Variants in C1orf87 observed in about 807,000 individuals in gnomAD.
C1orf87 encodes the protein chromosome 1 open reading frame 87.
C1orf87 carries 58 observed loss-of-function variants against 60.5 expected under a neutral mutation model. That is an observed-to-expected ratio of 0.96 (90% CI 0.78 to 1.19). The LOEUF (loss-of-function observed/expected upper bound fraction) is 1.19, where lower values mean the gene tolerates loss of function less well. C1orf87 is among the 50% of genes most tolerant of loss of function. The probability of loss-of-function intolerance (pLI) is 0.00; values close to 1 mark genes in which losing one functional copy is unlikely to be tolerated. For missense variants in C1orf87, 673 were observed against 638.6 expected (o/e 1.05, Z -0.58); for synonymous variants, 236 against 227.4 (o/e 1.04, Z -0.34).
At chr1:60,043,289 A>C (rs1292599369) in intron 3 of C1orf87, among the ~76,000 whole-genome samples, 1 of 152,214 alleles carries the variant, frequency 6.6e-6, no homozygotes, top group East Asian at 1.9e-4. Context: ...AGACTTGTCC[A>C]AAACACTCCC....
intron 2 of C1orf87, among the ~76,000 whole-genome samples, chr1:60,055,763 T>G (rs1302000888): frequency 6.6e-6 from 1 of 152,140 alleles, no homozygotes; most frequent in Non-Finnish European, 1.5e-5. Context: ...TACTTGTAAA[T>G]GTAACAGGTA....
Position 59,990,639 on chromosome 1 carries a change from G to T in C1orf87, c.*34C>A, listed in dbSNP as rs1644914150. ...TGTGTCTGGGTAAAAAGGGAGATAA[G>T]GGAAACATCTGTTCTCACAATATGG... is the stretch of plus-strand genomic sequence containing the variant. On this transcript the variant is annotated 3_prime_UTR_variant, in exon 12 of 12. Coordinates refer to ENST00000371201, the MANE Select transcript of C1orf87 (RefSeq NM_152377.3). The T allele has an allele frequency of 2.5e-6, 4 of 1,605,338 alleles. No individual in the cohort carries two copies. Among genetic ancestry groups the T allele is most frequent in the South Asian group, 1.1e-5 (1 of 90,512 alleles).
In C1orf87 at chr1:59,997,532, CA is replaced by C; in HGVS notation, c.1480+76del. The C allele has an allele frequency of 2.9e-6, 4 of 1,369,022 alleles. No individual in the cohort carries two copies. The South Asian group carries it at 3.8e-5, about 13-fold the overall frequency. The allele number at this position is 1,369,022 out of a possible 1,614,324, so 84.8% of individuals were successfully genotyped here. A position where few individuals can be genotyped will look rare whatever the true frequency, so the allele number is the denominator to read the frequency against. On this transcript the variant is annotated intron_variant, in intron 11 of 11. Coordinates refer to ENST00000371201, the MANE Select transcript of C1orf87 (RefSeq NM_152377.3). Reference sequence around the variant, plus strand: ...TTAATTGTATCATTTGTTCAAGAGGCAAAAGAAAATGAGGTGCCTACTTTTA... The same window carrying C: ...TTAATTGTATCATTTGTTCAAGAGGCAAAGAAAATGAGGTGCCTACTTTTA...
chr1:60,038,352 C>T (rs947741099), intron 5 of C1orf87, among the ~76,000 whole-genome samples: 8 of 151,972 alleles, frequency 5.3e-5, no homozygotes, highest in Non-Finnish European at 8.8e-5. Flanking sequence ...CTAGTTCTGG[C>T]CAATGAGTTA....
chr1:60,061,596 C>A (rs1043103735), intron 2 of C1orf87, among the ~76,000 whole-genome samples: 1 of 151,746 alleles, frequency 6.6e-6, no homozygotes, highest in Non-Finnish European at 1.5e-5. Context: ...TATATCCTCA[C>A]CATCCTTCTC....
At chr1:60,032,001 CACAT>C (rs765209626) in intron 7 of C1orf87, among the ~76,000 whole-genome samples, 2 of 139,244 alleles carry the variant, frequency 1.4e-5, no homozygotes, top group East Asian at 2.0e-4. Flanking sequence ...CACACACACA[CACAT>C]ACACACACAC....
At position 60,025,503 on chromosome 1, in the gene C1orf87, A is replaced by C; in HGVS notation, c.1030-5T>G. The C allele has an allele frequency of 1.3e-6, 2 of 1,576,396 alleles. No individual in the cohort carries two copies. The highest frequency in any genetic ancestry group is 1.7e-6 in the Non-Finnish European group (2 of 1,164,640). ...CTTCCCACATATAGCCCTGACCTACAAGTTAAAAAAAAATAAAAAAGATTT... is the reference window on the plus strand; with the variant it reads ...CTTCCCACATATAGCCCTGACCTACCAGTTAAAAAAAAATAAAAAAGATTT... On this transcript the variant is annotated splice_region_variant and splice_polypyrimidine_tract_variant and intron_variant, in intron 7 of 11. Transcript: ENST00000371201.
chr1:60,048,730 C>A (rs1404106135), intron 3 of C1orf87, among the ~76,000 whole-genome samples: 3 of 151,758 alleles, frequency 2.0e-5, no homozygotes, highest in East Asian at 1.9e-4. Flanking sequence ...TAATAATGTT[C>A]TTAATTAATT....
Position 60,005,821 on chromosome 1 carries a change from T to C in C1orf87, c.1192+4571A>G, listed in dbSNP as rs556650621. Among the ~76,000 whole-genome samples, 416 of 149,992 alleles carry C rather than the reference T, an allele frequency of 2.8e-3. 6 individuals carry two copies. The highest frequency in any genetic ancestry group is 9.3e-3 in the African/African-American group (376 of 40,224). On this transcript the variant is annotated intron_variant, in intron 9 of 11. Coordinates refer to ENST00000371201, the MANE Select transcript of C1orf87 (RefSeq NM_152377.3). ...TCAGCATTCTTTTTTTTTTTTTTTTTCCTCTGGTGATTCTCTCCTTCATTA... is the reference window on the plus strand; with the variant it reads ...TCAGCATTCTTTTTTTTTTTTTTTTCCCTCTGGTGATTCTCTCCTTCATTA...
At chr1:60,053,356 C>T (rs1645427972) in intron 3 of C1orf87, among the ~76,000 whole-genome samples, 1 of 152,220 alleles carries the variant, frequency 6.6e-6, no homozygotes, top group Admixed American at 6.5e-5. Context: ...GGCCCTTGAC[C>T]TCTCTGTTTC....
At chr1:60,069,194 G>A (rs530990324) in intron 2 of C1orf87, among the ~76,000 whole-genome samples, 5 of 152,152 alleles carry the variant, frequency 3.3e-5, no homozygotes, top group South Asian at 2.1e-4. Context: ...GTGGCAGCAC[G>A]TCATTAAATT....
At chr1:59,991,851 G>C (rs551589036) in intron 11 of C1orf87, among the ~76,000 whole-genome samples, 17 of 152,120 alleles carry the variant, frequency 1.1e-4, no homozygotes, top group Admixed American at 5.2e-4. Context: ...CGGCATCACT[G>C]AAGATCAATA....
chr1:60,002,644 C>A (rs1370914127), intron 9 of C1orf87, among the ~76,000 whole-genome samples: 1 of 151,984 alleles, frequency 6.6e-6, no homozygotes. Context: ...TAATTAGATC[C>A]CATTTGTCAA....
intron 1 of C1orf87, 32 bp from the exon 2 acceptor site, chr1:60,072,702 T>C (rs1193816782): frequency 5.9e-6 from 7 of 1,195,446 alleles, no homozygotes; most frequent in Non-Finnish European, 7.2e-6. Flanking sequence ...TTGTTCCTCT[T>C]GATTTTCCAT....
chr1:60,011,923 T>G (rs1645087940), intron 8 of C1orf87, among the ~76,000 whole-genome samples: 1 of 152,078 alleles, frequency 6.6e-6, no homozygotes, highest in Non-Finnish European at 1.5e-5. Flanking sequence ...AAGTGATGGA[T>G]ATGCAGGACT....
intron 2 of C1orf87, among the ~76,000 whole-genome samples, chr1:60,069,048 G>C (rs1645567128): frequency 6.6e-6 from 1 of 152,096 alleles, no homozygotes; most frequent in Non-Finnish European, 1.5e-5. Flanking sequence ...TATCCTCTGT[G>C]CTGGGGATAT....
chr1:59,994,365 C>G (rs1644948807), intron 11 of C1orf87, among the ~76,000 whole-genome samples: 1 of 151,756 alleles, frequency 6.6e-6, no homozygotes, highest in Non-Finnish European at 1.5e-5. Flanking sequence ...TGAATTATGG[C>G]TCACCATCCT....
rs374447566 is a variant in C1orf87, at chr1:60,033,502, A to G, written c.1003T>C (p.Phe335Leu). Residue 335 changes from phenylalanine to leucine, a missense_variant, in exon 7 of 12, where the codon TTC becomes CTC. Physicochemically the swap from Phe to Leu is conservative, Grantham distance 22 (BLOSUM62 0). Transcript: ENST00000371201. ...TTAGGTAGAGGGAGGCAGCCAGAGA[A>G]CGAGCGATCTTCTTTTCGAAAACTC... The part of the protein sequence containing the change: ...NLSFRKEDRS[F>L]SGCLPLPKVR... 1.9e-6 allele frequency: 3 copies of G among 1,613,784 alleles called. No individual in the cohort carries two copies. Among genetic ancestry groups the G allele is most frequent in the South Asian group, 1.1e-5 (1 of 90,994 alleles).
chr1:60,001,465 CG>C (rs1019913806), intron 9 of C1orf87, among the ~76,000 whole-genome samples: 2 of 151,852 alleles, frequency 1.3e-5, no homozygotes, highest in African/African-American at 4.8e-5. Context: ...CTTTGGAGGC[CG>C]GGGTAACAGT....
Sources: gnomAD v4.1 joint callset for allele counts (sites outside exome capture counted in the v4.1 genomes callset) on GRCh38, gnomAD v4.1.1 for gene constraint, MANE v1.5 for transcripts, NCBI Gene and HGNC (gene_info 2026-07-23, HGNC 2026-07-21) for gene names.